The following ADK variants were observed in gnomAD, a reference collection of about 807,000 sequenced individuals.
ADK encodes the protein N6,N6-dimethyladenosine kinase.
In ADK, 24 loss-of-function variants were observed where a neutral mutation model predicts 44.7. The ratio of observed to expected loss-of-function variants is 0.54; its 90% CI spans 0.39 to 0.76. The LOEUF (loss-of-function observed/expected upper bound fraction) is 0.76. Among genes scored for constraint, ADK ranks in the 30% least tolerant of loss-of-function variants. The pLI is 0.00. For missense variants in ADK, 321 were observed against 425.1 expected (o/e 0.76, Z 2.15); for synonymous variants, 128 against 142.6 (o/e 0.90, Z 0.73).
intron 1 of ADK, among the ~76,000 whole-genome samples, chr10:74,168,573 G>T (rs1481079061): frequency 6.7e-6 from 1 of 149,784 alleles, no homozygotes; most frequent in Non-Finnish European, 1.5e-5. Context: ...AAAAAAGATT[G>T]TGAAGTATCA....
At position 74,630,071 on chromosome 10, in the gene ADK, ATT is replaced by A. The variant is rs1165951974; in HGVS notation, c.877+29584_877+29585del. On this transcript the variant is annotated intron_variant, in intron 9 of 10. Coordinates refer to ENST00000539909, the MANE Select transcript of ADK (RefSeq NM_006721.4). ...CATAGCATTGGTCTTAAATTTTTTA[ATT>A]TTTTTAACTTCTCATTTTGCAGCAA... Among the ~76,000 whole-genome samples, 12 of 152,084 alleles carry A rather than the reference ATT, an allele frequency of 7.9e-5. No individual in the cohort carries two copies. The East Asian group carries it at 2.3e-3, about 29-fold the overall frequency.
At chr10:74,281,766 A>C (rs1287316135) in intron 3 of ADK, among the ~76,000 whole-genome samples, 2 of 152,242 alleles carry the variant, frequency 1.3e-5, no homozygotes, top group Non-Finnish European at 2.9e-5. Context: ...TTTTCTGAGA[A>C]GTTAGTTATT....
intron 4 of ADK, among the ~76,000 whole-genome samples, chr10:74,343,188 A>C (rs1389854362): frequency 1.3e-5 from 2 of 152,010 alleles, no homozygotes; most frequent in South Asian, 2.1e-4. Context: ...TTTTATCTTG[A>C]AACAGTACAG....
At chr10:74,634,359 C>T (rs938999519) in intron 9 of ADK, among the ~76,000 whole-genome samples, 13 of 152,084 alleles carry the variant, frequency 8.5e-5, no homozygotes, top group Admixed American at 7.9e-4. Context: ...GGACTACAGG[C>T]TCCCGCCACC....
At chr10:74,401,854 A>G (rs536456875) in intron 6 of ADK, among the ~76,000 whole-genome samples, 1 of 152,244 alleles carries the variant, frequency 6.6e-6, no homozygotes, top group South Asian at 2.1e-4. Context: ...TTTACAATGT[A>G]GCATGTTTTT....
intron 3 of ADK, among the ~76,000 whole-genome samples, chr10:74,309,257 C>T (rs1011799274): frequency 5.3e-5 from 8 of 151,954 alleles, no homozygotes; most frequent in African/African-American, 1.9e-4. Flanking sequence ...CTAAATATAA[C>T]TTACAATAGT....
chr10:74,512,397 C>G (rs996152214), intron 6 of ADK, among the ~76,000 whole-genome samples: 1 of 116,782 alleles, frequency 8.6e-6, no homozygotes, highest in African/African-American at 3.0e-5. Context: ...CCATCCAGTT[C>G]TGGACTTTTT....
chr10:74,644,060 A>AT (rs1302692943), intron 9 of ADK, among the ~76,000 whole-genome samples: 1 of 152,168 alleles, frequency 6.6e-6, no homozygotes, highest in Non-Finnish European at 1.5e-5. Flanking sequence ...CTTCAAACAG[A>AT]TTTTTTAAAA....
At chr10:74,332,744 C>T (rs1254577852) in intron 4 of ADK, among the ~76,000 whole-genome samples, 1 of 152,104 alleles carries the variant, frequency 6.6e-6, no homozygotes, top group Non-Finnish European at 1.5e-5. Flanking sequence ...AAGAGTATTA[C>T]TTTATCTTAA....
At chr10:74,654,788 C>T (rs530603659) in intron 9 of ADK, among the ~76,000 whole-genome samples, 1 of 150,892 alleles carries the variant, frequency 6.6e-6, no homozygotes, top group Non-Finnish European at 1.5e-5. Flanking sequence ...TGCACTCCAG[C>T]CTGGGTGACA....
intron 8 of ADK, among the ~76,000 whole-genome samples, chr10:74,596,663 A>G (rs985446657): frequency 1.3e-5 from 2 of 151,792 alleles, no homozygotes; most frequent in Non-Finnish European, 2.9e-5. Context: ...CTCCCACCTC[A>G]GCCTCCTAAG....
At chr10:74,293,196 A>G (rs181909922) in intron 3 of ADK, among the ~76,000 whole-genome samples, 234 of 147,928 alleles carry the variant, frequency 1.6e-3, no homozygotes, top group Non-Finnish European at 2.7e-3. Context: ...AAAAAAAAGG[A>G]AATATTATTT....
chr10:74,227,035 T>C (rs1388569331), intron 3 of ADK, among the ~76,000 whole-genome samples: 1 of 152,164 alleles, frequency 6.6e-6, no homozygotes, highest in Non-Finnish European at 1.5e-5. Context: ...TTATAAATAA[T>C]CTCATTTGTG....
At chr10:74,523,680 A>G (rs1428859035) in intron 6 of ADK, among the ~76,000 whole-genome samples, 1 of 152,096 alleles carries the variant, frequency 6.6e-6, no homozygotes, top group African/African-American at 2.4e-5. Context: ...AACACTCTTT[A>G]CCATCTAAGC....
intron 6 of ADK, among the ~76,000 whole-genome samples, chr10:74,504,581 A>C (rs570247318): frequency 6.6e-6 from 1 of 152,192 alleles, no homozygotes; most frequent in Admixed American, 6.5e-5. Flanking sequence ...AAAGAAAATC[A>C]TAAGGAAAAT....
At chr10:74,362,896 T>C (rs760466127) in intron 4 of ADK, among the ~76,000 whole-genome samples, 1 of 152,246 alleles carries the variant, frequency 6.6e-6, no homozygotes, top group Non-Finnish European at 1.5e-5. Flanking sequence ...CTGGGAATGC[T>C]GTCCAGACAC....
In ADK at chr10:74,269,519, T is replaced by C. The variant is rs191533015; in HGVS notation, c.194+44928T>C. Among the ~76,000 whole-genome samples, 11 of 152,356 alleles carry C rather than the reference T, an allele frequency of 7.2e-5. 1 individual carries two copies. Among genetic ancestry groups the C allele is most frequent in the Admixed American group, 5.9e-4 (9 of 15,308 alleles). On this transcript the variant is annotated intron_variant, in intron 3 of 10. Transcript: ENST00000539909. ...ACATGAGACCAAAAATAGTGTATAC[T>C]GACCTGGCTGGTCATTTTATGGTTG...
intron 1 of ADK, among the ~76,000 whole-genome samples, chr10:74,194,380 G>A (rs1843049818): frequency 6.6e-6 from 1 of 152,070 alleles, no homozygotes; most frequent in South Asian, 2.1e-4. Context: ...CTCTGAAATT[G>A]GCATACATCT....
intron 6 of ADK, among the ~76,000 whole-genome samples, chr10:74,499,446 T>C (rs1411857990): frequency 1.3e-5 from 2 of 152,160 alleles, no homozygotes; most frequent in Admixed American, 1.3e-4. Flanking sequence ...CCCAGCACTT[T>C]GGGAGGCCGA....
Sources: gnomAD v4.1 joint callset for allele counts (sites outside exome capture counted in the v4.1 genomes callset) on GRCh38, gnomAD v4.1.1 for gene constraint, MANE v1.5 for transcripts, NCBI Gene and HGNC (gene_info 2026-07-23, HGNC 2026-07-21) for gene names.